The following PLCB4 variants were observed in gnomAD, a reference collection of about 807,000 sequenced individuals.
PLCB4 encodes phospholipase C beta 4, also known as 1-phosphatidylinositol 4,5-bisphosphate phosphodiesterase beta-4.
A neutral mutation model predicts 178.8 loss-of-function variants in PLCB4; 77 were observed. That is an observed-to-expected ratio of 0.43 (90% confidence interval 0.36 to 0.52). The LOEUF (loss-of-function observed/expected upper bound fraction) is 0.52, where lower values mean the gene tolerates loss of function less well. Ranked by LOEUF, PLCB4 falls within the 20% of genes least tolerant of loss-of-function variation. The pLI is 0.00. For synonymous variants in PLCB4, 496 were observed against 490.8 expected, an observed-to-expected ratio of 1.01 and a Z score of -0.14; for missense variants, 1,024 against 1,453.4, an observed-to-expected ratio of 0.70 and a Z score of 4.80.
intron 2 of PLCB4, among the ~76,000 whole-genome samples, chr20:9,213,055 T>C (rs2093689109): frequency 6.6e-6 from 1 of 151,514 alleles, no homozygotes; most frequent in African/African-American, 2.4e-5. Flanking sequence ...TGGATTTGCC[T>C]GTAGTGGACA....
intron 2 of PLCB4, among the ~76,000 whole-genome samples, chr20:9,096,571 T>A (rs1343401377): frequency 6.6e-6 from 1 of 152,234 alleles, no homozygotes; most frequent in East Asian, 1.9e-4. Context: ...TCAATGTATG[T>A]GATGTATAAT....
intron 2 of PLCB4, among the ~76,000 whole-genome samples, chr20:9,183,975 C>T (rs1187613694): frequency 2.0e-5 from 3 of 152,098 alleles, no homozygotes. Context: ...ACTGAAGAAT[C>T]TGCTTTAACG....
At chr20:9,442,948 C>T (rs1269119445) in intron 30 of PLCB4, among the ~76,000 whole-genome samples, 1 of 152,132 alleles carries the variant, frequency 6.6e-6, no homozygotes, top group Non-Finnish European at 1.5e-5. Context: ...ATATATCATA[C>T]CTAGCCTTTG....
intron 28 of PLCB4, among the ~76,000 whole-genome samples, chr20:9,432,087 T>C (rs80007342): frequency 6.6e-6 from 1 of 152,186 alleles, no homozygotes; most frequent in African/African-American, 2.4e-5. Flanking sequence ...ATGTGACATT[T>C]CCCATTTACT....
rs375915754 is a variant in PLCB4 at position 9,390,941 on chromosome 20, A to T, written c.1323+326A>T. Among the ~76,000 whole-genome samples the T allele has an allele frequency of 2.5e-4, 38 of 152,310 alleles. No homozygotes were observed. The East Asian group carries it at 4.6e-3, about 19-fold the overall frequency. ...GTTAGAATCACCTACAAAACTGTTA[A>T]AAACACCTGTGCCAGGGCCCCACTT... On this transcript the variant is annotated intron_variant, in intron 17 of 39. Coordinates refer to ENST00000378473, the MANE Select transcript of PLCB4 (RefSeq NM_001377142.1).
At chr20:9,272,557 G>GTGAAATTT (rs2094414377) in intron 3 of PLCB4, among the ~76,000 whole-genome samples, 1 of 151,996 alleles carries the variant, frequency 6.6e-6, no homozygotes, top group African/African-American at 2.4e-5. Context: ...TGAATTACAT[G>GTGAAATTT]CAAGCCTGGA....
chr20:9,096,403 C>A (rs537529746), intron 2 of PLCB4, 61 bp downstream of exon 2: 31 of 152,258 alleles, frequency 2.0e-4, no homozygotes, highest in African/African-American at 6.0e-4. Context: ...AAATTACAAT[C>A]CAGATGATTT....
chr20:9,331,498 A>G (rs989352253), intron 4 of PLCB4, among the ~76,000 whole-genome samples: 4 of 152,208 alleles, frequency 2.6e-5, no homozygotes, highest in Non-Finnish European at 5.9e-5. Context: ...ACAACTCACA[A>G]TTAAAATAAA....
intron 4 of PLCB4, among the ~76,000 whole-genome samples, chr20:9,328,261 A>C (rs117693058): frequency 0.013 from 1,952 of 152,332 alleles, 27 homozygotes; most frequent in Non-Finnish European, 0.018. Flanking sequence ...TGTAGAAAAC[A>C]CAAGTTGTTG....
chr20:9,168,117 A>G (rs1017435934), intron 2 of PLCB4, among the ~76,000 whole-genome samples: 3 of 152,214 alleles, frequency 2.0e-5, no homozygotes, highest in African/African-American at 7.2e-5. Context: ...TTAAAGAGCA[A>G]TTACATATAA....
intron 2 of PLCB4, among the ~76,000 whole-genome samples, chr20:9,199,282 G>T (rs1000719919): frequency 1.3e-5 from 2 of 152,158 alleles, no homozygotes; most frequent in African/African-American, 4.8e-5. Context: ...CCTTGGGAAA[G>T]AAGGATATAA....
intron 2 of PLCB4, among the ~76,000 whole-genome samples, chr20:9,172,033 G>A (rs2093072490): frequency 6.6e-6 from 1 of 152,082 alleles, no homozygotes; most frequent in Non-Finnish European, 1.5e-5. Flanking sequence ...TTTCTGTTTT[G>A]TTTTTGTCTT....
chr20:9,074,649 G>T (rs185653361), intron 1 of PLCB4, among the ~76,000 whole-genome samples: 275 of 152,206 alleles, frequency 1.8e-3, no homozygotes, highest in South Asian at 3.5e-3. Context: ...CTTTGGACTT[G>T]CCAAGCCCAG....
At chr20:9,104,095 C>T (rs1450021430) in intron 2 of PLCB4, among the ~76,000 whole-genome samples, 1 of 152,074 alleles carries the variant, frequency 6.6e-6, no homozygotes, top group Non-Finnish European at 1.5e-5. Context: ...ATCTCTGCCC[C>T]TTATGGCATC....
chr20:9,329,195 G>A (rs1045264856), intron 4 of PLCB4, among the ~76,000 whole-genome samples: 3 of 152,200 alleles, frequency 2.0e-5, no homozygotes, highest in African/African-American at 7.2e-5. Context: ...GCAGCTGCCA[G>A]CATTCACCTG....
At chr20:9,305,658 G>A (rs1342472157) in intron 3 of PLCB4, among the ~76,000 whole-genome samples, 8 of 151,884 alleles carry the variant, frequency 5.3e-5, no homozygotes. Context: ...TCCCCTGACA[G>A]AGTATATAAT....
chr20:9,371,382 C>G lies in PLCB4; in HGVS notation c.585+87C>G. 5 of 698,856 alleles carry G rather than the reference C, an allele frequency of 7.2e-6. No homozygotes were observed. The South Asian group carries it at 9.3e-5, about 13-fold the overall frequency. 43.3% of individuals were successfully genotyped at this position (698,856 alleles called of 1,614,324 possible). On this transcript the variant is annotated intron_variant, in intron 10 of 39. Coordinates refer to ENST00000378473, the MANE Select transcript of PLCB4 (RefSeq NM_001377142.1). The stretch of plus-strand genomic sequence containing the variant: ...AATGAGCTAGATTATTTATATTAAA[C>G]TGATCTAAATTAGATTTGGAATTAT...
At chr20:9,428,139 T>G (rs2041154852) in intron 28 of PLCB4, among the ~76,000 whole-genome samples, 1 of 152,198 alleles carries the variant, frequency 6.6e-6, no homozygotes, top group South Asian at 2.1e-4. Flanking sequence ...AGAGAAAGAA[T>G]GTTCTTAATT....
intron 4 of PLCB4, among the ~76,000 whole-genome samples, chr20:9,310,871 T>C (rs2094825570): frequency 6.6e-6 from 1 of 152,214 alleles, no homozygotes; most frequent in Non-Finnish European, 1.5e-5. Flanking sequence ...TACTGAAGAA[T>C]TATTTTTGAG....
Sources: gnomAD v4.1 joint callset for allele counts (sites outside exome capture counted in the v4.1 genomes callset) on GRCh38, gnomAD v4.1.1 for gene constraint, MANE v1.5 for transcripts, NCBI Gene and HGNC (gene_info 2026-07-23, HGNC 2026-07-21) for gene names.